Variants in TMX2 observed in about 807,000 individuals in gnomAD.
TMX2 encodes thioredoxin related transmembrane protein 2.
TMX2 carries 20 observed loss-of-function variants against 33.4 expected under a neutral mutation model. The ratio of observed to expected loss-of-function variants is 0.60; its 90% CI spans 0.42 to 0.87. TMX2 has a LOEUF of 0.87. Ranked by LOEUF, TMX2 falls within the 40% of genes least tolerant of loss-of-function variation. TMX2 has a pLI of 0.00. For synonymous variants in TMX2, 166 were observed against 140.7 expected (o/e 1.18, Z -1.27); for missense variants, 340 against 370.7 (o/e 0.92, Z 0.68).
At chr11:57,730,311 C>T (rs1250597069) in intron 1 of TMX2, among the ~76,000 whole-genome samples, 1 of 148,166 alleles carries the variant, frequency 6.7e-6, no homozygotes, top group Non-Finnish European at 1.5e-5. Context: ...CCTATAATCC[C>T]AGGTACTTGG....
intron 1 of TMX2, among the ~76,000 whole-genome samples, chr11:57,721,848 G>C (rs936943290): frequency 1.3e-5 from 2 of 152,082 alleles, no homozygotes; most frequent in Non-Finnish European, 2.9e-5. Context: ...CCACCAATAC[G>C]TGGGGGGCTG....
intron 1 of TMX2, among the ~76,000 whole-genome samples, chr11:57,720,641 G>T (rs1156365849): frequency 6.6e-6 from 1 of 152,174 alleles, no homozygotes; most frequent in Non-Finnish European, 1.5e-5. Context: ...CAAGCCATCC[G>T]CCCGCTTTGG....
At position 57,712,643 on chromosome 11, in the gene TMX2, G is replaced by A. The variant is rs373404975; in HGVS notation, c.25G>A (p.Ala9Thr). 7 of 1,613,922 alleles carry A rather than the reference G, an allele frequency of 4.3e-6. No individual in the cohort carries two copies. The highest frequency in any genetic ancestry group is 4.0e-5 in the African/African-American group (3 of 74,932). Residue 9 changes from alanine (A) to threonine (T), a missense_variant, in exon 1 of 8, where the codon GCT becomes ACT. Transcript: ENST00000278422. MAVLAPLI[A>T]LVYSVPRLSR... Reference sequence around the variant, plus strand: ...GATGGCGGTCTTGGCACCTCTAATTGCTCTCGTGTATTCGGTGCCGCGACT... The same window carrying A: ...GATGGCGGTCTTGGCACCTCTAATTACTCTCGTGTATTCGGTGCCGCGACT...
chr11:57,737,860 T>C (rs1328189640), intron 2 of TMX2, 53 bp from the exon 3 acceptor site: 4 of 1,614,164 alleles, frequency 2.5e-6, no homozygotes, highest in Non-Finnish European at 2.5e-6. Context: ...GGACAAAGAA[T>C]GGGATATAGG....
At chr11:57,717,712 ACCGAG>A (rs369735067) in intron 1 of TMX2, among the ~76,000 whole-genome samples, 3 of 17,594 alleles carry the variant, frequency 1.7e-4, no homozygotes, top group African/African-American at 1.2e-3. Flanking sequence ...GGAGAGGGAG[ACCGAG>A]AGGGAGAGGG....
chr11:57,720,134 CAAAAAAA>C (rs59914635), intron 1 of TMX2, among the ~76,000 whole-genome samples: 7 of 128,108 alleles, frequency 5.5e-5, no homozygotes, highest in Admixed American at 7.7e-5. Flanking sequence ...ACTAAAAATA[CAAAAAAA>C]AAAAAAAAAA....
At position 57,712,599 on chromosome 11, in the gene TMX2, TGGCCGTTAC is replaced by T; in HGVS notation, c.-14_-6del. 2 of 1,591,498 alleles carry T rather than the reference TGGCCGTTAC, an allele frequency of 1.3e-6. No individual in the cohort carries two copies. Among genetic ancestry groups the T allele is most frequent in the Non-Finnish European group, 1.7e-6 (2 of 1,165,896 alleles). ...CGAGACCTACGACGCCGGCGAGCAG[TGGCCGTTAC>T]GGCCGAAAAGATGGCGGTCTTGGCA... On this transcript the variant is annotated 5_prime_UTR_variant, in exon 1 of 8. Transcript: ENST00000278422.
intron 1 of TMX2, among the ~76,000 whole-genome samples, chr11:57,736,234 A>G (rs1948743437): frequency 4.6e-5 from 7 of 152,054 alleles, no homozygotes; most frequent in Admixed American, 3.9e-4. Context: ...TGGTGGTTAC[A>G]TTCTACAACA....
chr11:57,725,369 C>G (rs899889719), intron 1 of TMX2, among the ~76,000 whole-genome samples: 2 of 152,148 alleles, frequency 1.3e-5, no homozygotes, highest in African/African-American at 4.8e-5. Context: ...TGCTCTGCTG[C>G]TAAAACTATA....
intron 1 of TMX2, among the ~76,000 whole-genome samples, chr11:57,719,842 C>G (rs951702321): frequency 1.3e-5 from 2 of 151,966 alleles, no homozygotes. Flanking sequence ...TTTCATTAGC[C>G]TTTTGGGGAA....
Position 57,719,514 on chromosome 11 carries a change from C to CTTTTT in TMX2, c.189+6727_189+6731dup, listed in dbSNP as rs1183104624. Among the ~76,000 whole-genome samples the CTTTTT allele has an allele frequency of 1.3e-3, 91 of 70,528 alleles. 1 individual carries two copies. The highest frequency in any genetic ancestry group is 3.7e-3 in the East Asian group (8 of 2,162). The allele number at this position is 70,528 out of a possible 152,430, so 46.3% of individuals were successfully genotyped here. A position where few individuals can be genotyped will look rare whatever the true frequency, so the allele number is the denominator to read the frequency against. On this transcript the variant is annotated intron_variant, in intron 1 of 7. Transcript: ENST00000278422. ...AATGTAAAATTTCTTTTTTCTTTGTCTTTTTTTTTTTTTTTTTTTTTTTTG... is the reference window on the plus strand; with the variant it reads ...AATGTAAAATTTCTTTTTTCTTTGTCTTTTTTTTTTTTTTTTTTTTTTTTTTTTTG...
intron 1 of TMX2, 109 bp downstream of exon 1, chr11:57,712,916 C>T (rs1231678306): frequency 9.2e-6 from 11 of 1,189,898 alleles, no homozygotes; most frequent in Non-Finnish European, 1.3e-5. Context: ...GGTTCCGAGC[C>T]TGTAGCGGAC....
intron 1 of TMX2, 60 bp from the exon 2 acceptor site, chr11:57,737,548 T>G: frequency 6.9e-7 from 1 of 1,441,708 alleles, no homozygotes; most frequent in Non-Finnish European, 9.8e-7. Context: ...TAGTTCCCTT[T>G]CCCACCTAAG....
chr11:57,736,173 A>G (rs1295023564), intron 1 of TMX2, among the ~76,000 whole-genome samples: 1 of 151,926 alleles, frequency 6.6e-6, no homozygotes, highest in Non-Finnish European at 1.5e-5. Flanking sequence ...TTAGAATTCT[A>G]TTACTTCTCA....
intron 4 of TMX2, 97 bp downstream of exon 4, chr11:57,738,527 T>A (rs1948887688): frequency 1.6e-6 from 2 of 1,232,706 alleles, no homozygotes; most frequent in African/African-American, 3.0e-5. Flanking sequence ...TGCTTCAAAA[T>A]GGATGTCACG....
chr11:57,724,180 A>C lies in TMX2; in HGVS notation c.189+11373A>C, dbSNP rs776340213. 1.1e-4 allele frequency among the ~76,000 whole-genome samples: 17 copies of C among 152,184 alleles called. 1 individual carries two copies. Among genetic ancestry groups the C allele is most frequent in the Admixed American group, 2.0e-4 (3 of 15,268 alleles). On this transcript the variant is annotated intron_variant, in intron 1 of 7. Transcript: ENST00000278422. The stretch of plus-strand genomic sequence containing the variant: ...TGAATTAATGCAGGACCCAGAACTC[A>C]TTACTGAACAGTCACTGAGTATATA...
intron 1 of TMX2, among the ~76,000 whole-genome samples, chr11:57,732,902 C>G (rs1161901887): frequency 6.6e-6 from 1 of 152,128 alleles, no homozygotes; most frequent in African/African-American, 2.4e-5. Context: ...CTTGTGGGAG[C>G]ATCATAGAGT....
At chr11:57,717,023 C>T (rs1267884336) in intron 1 of TMX2, among the ~76,000 whole-genome samples, 2 of 142,936 alleles carry the variant, frequency 1.4e-5, no homozygotes, top group Non-Finnish European at 3.0e-5. Flanking sequence ...ACCTCCCAGA[C>T]GGGGTCGCGG....
intron 1 of TMX2, among the ~76,000 whole-genome samples, chr11:57,735,946 G>A (rs1948728889): frequency 6.6e-6 from 1 of 152,204 alleles, no homozygotes; most frequent in Admixed American, 6.5e-5. Flanking sequence ...GGGAGGGGCA[G>A]TGTCAGGCAG....
Sources: gnomAD v4.1 joint callset for allele counts (sites outside exome capture counted in the v4.1 genomes callset) on GRCh38, gnomAD v4.1.1 for gene constraint, MANE v1.5 for transcripts, NCBI Gene and HGNC (gene_info 2026-07-23, HGNC 2026-07-21) for gene names.